Variants in SNX29 observed in about 807,000 individuals in gnomAD.
SNX29 encodes the protein sorting nexin 29.
A neutral mutation model predicts 102.1 loss-of-function variants in SNX29; 78 were observed. The observed-to-expected ratio is 0.76, with a 90% CI of 0.64 to 0.92. The LOEUF (loss-of-function observed/expected upper bound fraction) is 0.92. SNX29 is among the 40% of genes least tolerant of loss of function. The pLI, the probability that SNX29 is intolerant of heterozygous loss-of-function variation, is 0.00. For missense variants in SNX29, 1,280 were observed against 1,061.7 expected (o/e 1.21, Z -2.86); for synonymous variants, 580 against 414.5 (o/e 1.40, Z -4.85).
chr16:12,165,852 C>G (rs2055996498), intron 13 of SNX29, among the ~76,000 whole-genome samples: 1 of 152,256 alleles, frequency 6.6e-6, no homozygotes, highest in Admixed American at 6.5e-5. Context: ...GCGTGAGCCA[C>G]CACACCCGGC....
intron 15 of SNX29, among the ~76,000 whole-genome samples, chr16:12,314,269 C>A (rs1167851488): frequency 2.0e-5 from 3 of 152,230 alleles, no homozygotes; most frequent in African/African-American, 7.2e-5. Flanking sequence ...AAAGTACTGG[C>A]ATTACAGGCA....
At chr16:12,148,816 ACCT>A (rs1432222337) in intron 13 of SNX29, among the ~76,000 whole-genome samples, 2 of 151,812 alleles carry the variant, frequency 1.3e-5, no homozygotes, top group African/African-American at 2.4e-5. Context: ...TGCTGCCTCA[ACCT>A]CCTGAGTAGC....
At chr16:12,244,881 T>G (rs1438603189) in intron 14 of SNX29, among the ~76,000 whole-genome samples, 1 of 152,232 alleles carries the variant, frequency 6.6e-6, no homozygotes, top group Non-Finnish European at 1.5e-5. Flanking sequence ...TAATTTGAAA[T>G]GACAGTTTTG....
chr16:12,252,077 T>A (rs1390000278), intron 14 of SNX29, among the ~76,000 whole-genome samples: 1 of 152,146 alleles, frequency 6.6e-6, no homozygotes, highest in Non-Finnish European at 1.5e-5. Context: ...CTAATTTCCT[T>A]GCAAGAAAAT....
At chr16:12,004,911 C>T (rs1306476412) in intron 3 of SNX29, among the ~76,000 whole-genome samples, 10 of 152,194 alleles carry the variant, frequency 6.6e-5, no homozygotes, top group Non-Finnish European at 1.0e-4. Flanking sequence ...ACTATAATGT[C>T]GGCTCTGTGC....
intron 16 of SNX29, among the ~76,000 whole-genome samples, chr16:12,364,160 T>TA (rs2082384686): frequency 1.4e-5 from 2 of 141,710 alleles, no homozygotes; most frequent in Non-Finnish European, 3.1e-5. Context: ...GCCTGGCTTG[T>TA]TTGTTATGTT....
chr16:12,183,360 A>C (rs1222127208), intron 13 of SNX29, among the ~76,000 whole-genome samples: 1 of 152,186 alleles, frequency 6.6e-6, no homozygotes, highest in Non-Finnish European at 1.5e-5. Context: ...AACCTGCTGA[A>C]AAGTCCTAGT....
intron 20 of SNX29, among the ~76,000 whole-genome samples, chr16:12,543,858 A>G (rs1452482820): frequency 6.6e-6 from 1 of 152,226 alleles, no homozygotes; most frequent in African/African-American, 2.4e-5. Context: ...CCAGTGGTGG[A>G]ACATCCTCTT....
chr16:12,329,867 C>G (rs967253219), intron 15 of SNX29, among the ~76,000 whole-genome samples: 3 of 152,178 alleles, frequency 2.0e-5, no homozygotes, highest in African/African-American at 7.2e-5. Context: ...TTGACAAGAG[C>G]TGTTTTTTTC....
chr16:11,977,151 TC>T, intron 1 of SNX29: 1 of 306,816 alleles, frequency 3.3e-6, no homozygotes, highest in Non-Finnish European at 6.0e-6. Context: ...TCTCAGTCTC[TC>T]CTAACTCCTA....
chr16:12,383,584 C>T lies in SNX29; in HGVS notation c.1900-14862C>T, dbSNP rs558329040. Among the ~76,000 whole-genome samples the T allele has an allele frequency of 2.6e-5, 4 of 151,870 alleles. No homozygotes were observed. In the East Asian group the frequency reaches 7.8e-4, roughly 29 times the overall value. On this transcript the variant is annotated intron_variant, in intron 16 of 20. Transcript: ENST00000566228. ...CCCGAGTAGCTGGGATTACAGGCGC[C>T]CACCACCACGCCCAGGTAATTTTTG...
intron 10 of SNX29, among the ~76,000 whole-genome samples, chr16:12,071,615 C>G (rs2051305587): frequency 6.6e-6 from 1 of 152,190 alleles, no homozygotes; most frequent in Non-Finnish European, 1.5e-5. Flanking sequence ...ATGCCTCCAG[C>G]TTTGTTCTTT....
At chr16:11,996,709 A>T (rs1023519959) in intron 1 of SNX29, among the ~76,000 whole-genome samples, 1 of 152,178 alleles carries the variant, frequency 6.6e-6, no homozygotes, top group East Asian at 1.9e-4. Context: ...CTTTTTTTCT[A>T]TTCTGGTGTT....
chr16:12,039,343 T>C (rs2057564906), intron 4 of SNX29, among the ~76,000 whole-genome samples: 1 of 152,030 alleles, frequency 6.6e-6, no homozygotes, highest in Non-Finnish European at 1.5e-5. Context: ...AGGCTTAGCA[T>C]GGTTGAGTGA....
chr16:12,467,782 C>G (rs2087128750), intron 18 of SNX29, among the ~76,000 whole-genome samples: 1 of 152,092 alleles, frequency 6.6e-6, no homozygotes, highest in Admixed American at 6.5e-5. Flanking sequence ...GGAGCTGTTC[C>G]TCTGGTTGAA....
At chr16:12,470,726 T>C (rs1474832834) in intron 18 of SNX29, among the ~76,000 whole-genome samples, 2 of 152,248 alleles carry the variant, frequency 1.3e-5, no homozygotes, top group African/African-American at 4.8e-5. Context: ...TGACAATTAA[T>C]TAGCCATGGT....
intron 19 of SNX29, among the ~76,000 whole-genome samples, chr16:12,481,984 T>A (rs1393092030): frequency 6.6e-6 from 1 of 152,204 alleles, no homozygotes; most frequent in Non-Finnish European, 1.5e-5. Flanking sequence ...TGAGTCAAGA[T>A]TCAGAACCTT....
At chr16:12,161,682 C>T (rs2041385964) in intron 13 of SNX29, among the ~76,000 whole-genome samples, 2 of 152,090 alleles carry the variant, frequency 1.3e-5, no homozygotes, top group South Asian at 4.2e-4. Context: ...TAGCACACTC[C>T]CCCTTGGTCA....
intron 3 of SNX29, among the ~76,000 whole-genome samples, chr16:12,013,500 A>AAAAAAAAAAAATATATATATATAT: frequency 3.2e-5 from 1 of 31,632 alleles, no homozygotes; most frequent in Non-Finnish European, 6.1e-5. Flanking sequence ...AAAAAAAAAA[A>AAAAAAAAAAAATATATATATATAT]ATATATATAT....
Sources: gnomAD v4.1 joint callset for allele counts (sites outside exome capture counted in the v4.1 genomes callset) on GRCh38, gnomAD v4.1.1 for gene constraint, MANE v1.5 for transcripts, NCBI Gene and HGNC (gene_info 2026-07-23, HGNC 2026-07-21) for gene names.